The following MYH3 variants were observed in gnomAD, a reference collection of about 807,000 sequenced individuals.
MYH3 encodes the protein myosin-3.
Under a neutral mutation model 238.0 loss-of-function variants are expected in MYH3, and 130 were observed. The ratio of observed to expected loss-of-function variants is 0.55; its 90% CI spans 0.47 to 0.63. MYH3 has a LOEUF of 0.63. Among genes scored for constraint, MYH3 ranks in the 30% least tolerant of loss-of-function variants. The pLI, the probability that MYH3 is intolerant of heterozygous loss-of-function variation, is 0.00. For synonymous variants in MYH3, 880 were observed against 924.1 expected (o/e 0.95, Z 0.86); for missense variants, 1,853 against 2,374.9 (o/e 0.78, Z 4.57).
At chr17:10,657,717 G>A (rs1419186651), upstream of MYH3, among the ~76,000 whole-genome samples, 3 of 152,204 alleles carry the variant, frequency 2.0e-5, no homozygotes, top group Non-Finnish European at 2.9e-5. Flanking sequence ...ATATGGAAAA[G>A]TGAATAAGAC....
chr17:10,634,230 G>A (rs1269788567), intron 31 of MYH3, 48 bp from the exon 32 acceptor site: 1 of 1,606,302 alleles, frequency 6.2e-7, no homozygotes, highest in African/African-American at 1.3e-5. Flanking sequence ...TCTCCTCTAG[G>A]TTTCTAACAA....
At position 10,637,914 on chromosome 17, in the gene MYH3, G is replaced by C. The variant is rs1449708494; in HGVS notation, c.3751C>G (p.Arg1251Gly). ...TCACTTAACTGATCCTCCAGGGTTC[G>C]GCAGATTTTTTCCAGATTTGCCTGA... ...KSKANLEKIC[R>G]TLEDQLSEAR... Residue 1251 changes from arginine to glycine, a missense_variant, in exon 28 of 41, where the codon CGA (arginine) becomes GGA (glycine). Coordinates refer to ENST00000583535, the MANE Select transcript of MYH3 (RefSeq NM_002470.4). 4.3e-6 allele frequency: 7 copies of C among 1,613,912 alleles called. No homozygotes were observed. Among genetic ancestry groups the C allele is most frequent in the Non-Finnish European group, 5.9e-6 (7 of 1,180,012 alleles).
chr17:10,639,225 C>A (rs374576610), intron 24 of MYH3, 36 bp from the exon 25 acceptor site: 50 of 1,614,062 alleles, frequency 3.1e-5, no homozygotes, highest in Non-Finnish European at 3.9e-5. Context: ...GGAACAAATG[C>A]TTTGCAAGAG....
In MYH3 at chr17:10,634,853, C is replaced by T; in HGVS notation, c.4343G>A (p.Arg1448Lys). 1 of 1,614,162 alleles carries T rather than the reference C, an allele frequency of 6.2e-7. No homozygotes were observed. The highest frequency in any genetic ancestry group is 1.1e-5 in the South Asian group (1 of 91,082). Residue 1448 changes from arginine (R) to lysine (K), a missense_variant, in exon 31 of 41, where the codon AGG becomes AAG. Arg to Lys is a conservative substitution (Grantham distance 26, BLOSUM62 2). Coordinates refer to ENST00000583535, the MANE Select transcript of MYH3 (RefSeq NM_002470.4). ...CGGACCCCACACCTTGTCAAAGTTC[C>T]TCTGCTTCTTGTCCAGAGCGGCGGC... Reference protein sequence around the residue: ...SLAAALDKKQRNFDKVLAEWK... With the variant: ...SLAAALDKKQKNFDKVLAEWK...
At position 10,647,168 on chromosome 17, in the gene MYH3, G is replaced by T; in HGVS notation, c.898+14C>A. 3.7e-6 allele frequency: 6 copies of T among 1,603,046 alleles called. No individual in the cohort carries two copies. The highest frequency in any genetic ancestry group is 1.1e-5 in the South Asian group (1 of 90,836). Reference sequence around the variant, plus strand: ...AACTACCTAAAAGACCAGCCCCACTGGTGACTTCCTCACCTATGAGCTCAG... The same window carrying T: ...AACTACCTAAAAGACCAGCCCCACTTGTGACTTCCTCACCTATGAGCTCAG... On this transcript the variant is annotated intron_variant, in intron 10 of 40. Coordinates refer to ENST00000583535, the MANE Select transcript of MYH3 (RefSeq NM_002470.4).
chr17:10,646,025 C>A lies in MYH3; in HGVS notation c.906G>T (p.Leu302=). Residue 302 remains leucine, a synonymous_variant, in exon 11 of 41, where the codon CTG becomes CTT. Coordinates refer to ENST00000583535, the MANE Select transcript of MYH3 (RefSeq NM_002470.4). ...AGTCGTAAGGGTTGGTCGTAATAAG[C>A]AGCAGCTCTGAAATGACAAATAGTT... ...SNKKPELIEL[L]LITTNPYDYP... is the part of the protein sequence containing the mutation. The A allele has an allele frequency of 6.2e-7, 1 of 1,613,460 alleles. No individual in the cohort carries two copies. The highest frequency in any genetic ancestry group is 8.5e-7 in the Non-Finnish European group (1 of 1,179,462).
chr17:10,644,475 G>A lies in MYH3; in HGVS notation c.1286C>T (p.Ser429Leu). The A allele has an allele frequency of 6.2e-7, 1 of 1,614,212 alleles. No homozygotes were observed. Among genetic ancestry groups the A allele is most frequent in the Non-Finnish European group, 8.5e-7 (1 of 1,180,028 alleles). ...DQVHHAVNAL[S>L]KSVYEKLFLW... ...GAACAACTTTTCATAAACTGATTTT[G>A]AAAGAGCATTCACAGCATGGTGAAC... Residue 429 changes from serine to leucine, a missense_variant, in exon 14 of 41, where the codon TCA (serine) becomes TTA (leucine). This residue lies in a region of MYH3 where 678 missense variants were observed against 1,058.9 expected (regional missense o/e 0.64). Transcript: ENST00000583535.
At chr17:10,668,747 A>G in the MYH3 span, among the ~76,000 whole-genome samples, 1 of 152,350 alleles carries the variant, frequency 6.6e-6, no homozygotes, top group East Asian at 1.9e-4. Context: ...GCAAACAAGA[A>G]GAAAATAAAG....
intron 40 of MYH3, among the ~76,000 whole-genome samples, chr17:10,629,141 T>C (rs914503928): frequency 2.5e-4 from 38 of 152,156 alleles, no homozygotes; most frequent in African/African-American, 9.2e-4. Context: ...AGGCCCCACG[T>C]GCATTAGCTG....
chr17:10,669,566 CAAAA>C, the MYH3 span, among the ~76,000 whole-genome samples: 46 of 96,426 alleles, frequency 4.8e-4, no homozygotes, highest in South Asian at 9.8e-4. Context: ...GAGTCCATCT[CAAAA>C]AAAAAAAAAA....
intron 1 of MYH3, among the ~76,000 whole-genome samples, chr17:10,656,731 G>C (rs1210001935): frequency 6.6e-6 from 1 of 152,156 alleles, no homozygotes; most frequent in Non-Finnish European, 1.5e-5. Flanking sequence ...TCGGACAGCA[G>C]GGACCGCATC....
In MYH3 at chr17:10,639,767, G is replaced by C; in HGVS notation, c.2718C>G (p.Cys906Trp). ...SENLLDAEER[C>W]DQLIKAKFQL... ...GGAATTTGGCTTTGATCAGCTGATC[G>C]CATCTTTCCTCAGCATCCAACAAAT... The change falls in exon 23 of 41, where the codon TGC becomes TGG. Residue 906 changes from cysteine (C) to tryptophan (W), a missense_variant. This residue lies in a region of MYH3 where 678 missense variants were observed against 1,058.9 expected (regional missense o/e 0.64). Transcript: ENST00000583535. The C allele has an allele frequency of 6.2e-7, 1 of 1,613,366 alleles. No homozygotes were observed. The highest frequency in any genetic ancestry group is 1.1e-5 in the South Asian group (1 of 91,034).
upstream of MYH3, chr17:10,657,458 G>A (rs913498234): frequency 1.3e-5 from 2 of 152,224 alleles, no homozygotes; most frequent in Non-Finnish European, 2.9e-5. Flanking sequence ...CAAGGGAAAG[G>A]TATAATTAGA....
the MYH3 span, chr17:10,676,800 T>G: frequency 1.3e-5 from 2 of 152,324 alleles, no homozygotes; most frequent in South Asian, 2.1e-4. Context: ...ATGCCAAACT[T>G]TCTTTACTGA....
At chr17:10,666,982 T>G in the MYH3 span, among the ~76,000 whole-genome samples, 2 of 152,164 alleles carry the variant, frequency 1.3e-5, no homozygotes, top group Admixed American at 1.3e-4. Flanking sequence ...TGAAAAATGC[T>G]TACCTTTCCC....
At chr17:10,637,979 G>C (rs758587704) in intron 27 of MYH3, 44 bp from the exon 28 acceptor site, 1 of 1,614,094 alleles carries the variant, frequency 6.2e-7, no homozygotes, top group Admixed American at 1.7e-5. Context: ...AGCAAAGTCA[G>C]GTTTCAATGA....
At chr17:10,661,329 A>G (rs1445742050), upstream of MYH3, among the ~76,000 whole-genome samples, 2 of 150,856 alleles carry the variant, frequency 1.3e-5, no homozygotes, top group Non-Finnish European at 2.9e-5. Context: ...TTCCATCCAA[A>G]GAGAAAAATC....
rs556932682 is a variant in MYH3, at chr17:10,634,220, T to G, written c.4357-38A>C. ...ACGGAAGTTCTCTCCGTTTCTGAGC[T>G]CTCCTCTAGGTTTCTAACAAAATAC... On this transcript the variant is annotated intron_variant, in intron 31 of 40. Transcript: ENST00000583535. 5 of 1,612,372 alleles carry G rather than the reference T, an allele frequency of 3.1e-6. No individual in the cohort carries two copies. In the African/African-American group the frequency reaches 6.7e-5, roughly 22 times the overall value.
chr17:10,632,857 CA>C, intron 33 of MYH3, 73 bp from the exon 34 acceptor site: 1 of 1,471,618 alleles, frequency 6.8e-7, no homozygotes, highest in Non-Finnish European at 9.5e-7. Flanking sequence ...TGCAGGATAA[CA>C]AAACTTCAAT....
Sources: allele counts gnomAD v4.1 joint callset (sites outside exome capture counted in the v4.1 genomes callset), GRCh38; gene constraint gnomAD v4.1.1; regional missense constraint gnomAD v4.1.1; transcripts MANE v1.5; gene names NCBI Gene and HGNC (gene_info 2026-07-23, HGNC 2026-07-21).